The following UBE2D2 variants were observed in gnomAD, a reference collection of about 807,000 sequenced individuals.
UBE2D2 encodes the protein ubiquitin-conjugating enzyme E2 D2.
Under a neutral mutation model 24.2 loss-of-function variants are expected in UBE2D2, and 2 were observed. The observed-to-expected ratio is 0.08, with a 90% CI of 0.03 to 0.26. UBE2D2 has a LOEUF of 0.26. Ranked by LOEUF, UBE2D2 falls within the 10% of genes least tolerant of loss-of-function variation. UBE2D2 has a pLI of 1.00. For synonymous variants in UBE2D2, 58 were observed against 56.5 expected (o/e 1.03, Z -0.12); for missense variants, 44 against 177.6 (o/e 0.25, Z 4.28).
intron 1 of UBE2D2, among the ~76,000 whole-genome samples, chr5:139,527,212 A>T (rs1752551486): frequency 6.6e-6 from 1 of 152,180 alleles, no homozygotes; most frequent in African/African-American, 2.4e-5. Context: ...AAGGTATGGC[A>T]CAAGGTAACC....
intron 1 of UBE2D2, among the ~76,000 whole-genome samples, chr5:139,538,367 A>G (rs1156596009): frequency 6.6e-6 from 1 of 152,210 alleles, no homozygotes; most frequent in African/African-American, 2.4e-5. Flanking sequence ...GCCAAAAGGT[A>G]GAAGTAACCC....
At chr5:139,622,242 A>G (rs1258063885) in intron 5 of UBE2D2, among the ~76,000 whole-genome samples, 1 of 151,558 alleles carries the variant, frequency 6.6e-6, no homozygotes, top group Non-Finnish European at 1.5e-5. Context: ...TTTATTTTTT[A>G]TTATAATTAT....
At chr5:139,602,022 T>TA (rs1461825361) in intron 2 of UBE2D2, among the ~76,000 whole-genome samples, 1 of 152,234 alleles carries the variant, frequency 6.6e-6, no homozygotes, top group African/African-American at 2.4e-5. Context: ...AGTACATGGT[T>TA]AAATTAGCTT....
At chr5:139,614,259 A>G (rs923884494) in intron 2 of UBE2D2, among the ~76,000 whole-genome samples, 4 of 152,060 alleles carry the variant, frequency 2.6e-5, no homozygotes, top group African/African-American at 9.7e-5. Flanking sequence ...AGAGTCTTGC[A>G]GTGGCGCAGT....
intron 1 of UBE2D2, among the ~76,000 whole-genome samples, chr5:139,551,265 C>T (rs1752917947): frequency 6.6e-6 from 1 of 152,132 alleles, no homozygotes; most frequent in Non-Finnish European, 1.5e-5. Flanking sequence ...TCTTGAATTG[C>T]TTCAACCCAT....
intron 1 of UBE2D2, among the ~76,000 whole-genome samples, chr5:139,530,598 C>T (rs995395679): frequency 1.3e-5 from 2 of 152,106 alleles, no homozygotes; most frequent in Non-Finnish European, 2.9e-5. Context: ...CGTTCTTGCC[C>T]AGCAAGAGAC....
intron 1 of UBE2D2, among the ~76,000 whole-genome samples, chr5:139,568,553 G>A (rs1581497603): frequency 6.6e-6 from 1 of 152,220 alleles, no homozygotes; most frequent in Middle Eastern, 3.4e-3. Context: ...AGCTATTCGG[G>A]AGACTGAGGC....
Position 139,587,176 on chromosome 5 carries a change from AGTGT to A in UBE2D2, c.25-13195_25-13192del. On this transcript the variant is annotated intron_variant, in intron 1 of 6. Coordinates refer to ENST00000398733, the MANE Select transcript of UBE2D2 (RefSeq NM_003339.3). The stretch of plus-strand genomic sequence containing the variant: ...AAGAGAACCGTAGAACCCAGTGACT[AGTGT>A]TCCAGCTGGATAGGATGAACCCAGG... Among the ~76,000 whole-genome samples, 4 of 152,290 alleles carry A rather than the reference AGTGT, an allele frequency of 2.6e-5. No homozygotes were observed. In the Middle Eastern group the frequency reaches 0.014, roughly 518 times the overall value.
At chr5:139,606,221 G>A (rs1754197072) in intron 2 of UBE2D2, among the ~76,000 whole-genome samples, 1 of 152,014 alleles carries the variant, frequency 6.6e-6, no homozygotes, top group South Asian at 2.1e-4. Context: ...GAGTGCAGTG[G>A]CGCAATCTCG....
chr5:139,561,687 C>G lies in UBE2D2; in HGVS notation c.-105C>G. ...GCTTTCCTCAACTCTCCATCTTCTC[C>G]TGCCGACCGAGATCGCCGAGGCGGC... On this transcript the variant is annotated 5_prime_UTR_variant, in exon 1 of 7. Transcript: ENST00000398733. The G allele has an allele frequency of 3.3e-6, 3 of 899,052 alleles. No individual in the cohort carries two copies. Among genetic ancestry groups the G allele is most frequent in the Non-Finnish European group, 4.8e-6 (3 of 630,176 alleles). The allele number at this position is 899,052 out of a possible 1,614,324, so 55.7% of individuals were successfully genotyped here. A position where few individuals can be genotyped will look rare whatever the true frequency, so the allele number is the denominator to read the frequency against.
intron 5 of UBE2D2, 97 bp from the exon 6 acceptor site, chr5:139,623,271 A>G: frequency 1.3e-6 from 1 of 752,566 alleles, no homozygotes. Context: ...GCATTACAGT[A>G]TAAATTCTTA....
intron 2 of UBE2D2, among the ~76,000 whole-genome samples, chr5:139,605,388 T>C (rs985256584): frequency 2.6e-5 from 4 of 151,820 alleles, no homozygotes; most frequent in East Asian, 1.9e-4. Context: ...GTCAGGAGAT[T>C]GAGACCATCC....
At chr5:139,560,650 G>A (rs147495353), upstream of UBE2D2, among the ~76,000 whole-genome samples, 442 of 152,252 alleles carry the variant, frequency 2.9e-3, no homozygotes, top group African/African-American at 0.01. Context: ...TAACTATTTG[G>A]GGCACACACT....
intron 1 of UBE2D2, among the ~76,000 whole-genome samples, chr5:139,536,483 C>T (rs1278259904): frequency 6.6e-6 from 1 of 152,164 alleles, no homozygotes; most frequent in Non-Finnish European, 1.5e-5. Context: ...CCTGCCTCAG[C>T]CTCCTGAGTA....
At chr5:139,563,344 C>T (rs1243571197) in intron 1 of UBE2D2, among the ~76,000 whole-genome samples, 5 of 152,072 alleles carry the variant, frequency 3.3e-5, no homozygotes, top group African/African-American at 1.2e-4. Flanking sequence ...TGAAGAAGGG[C>T]AGATTTTAGA....
intron 1 of UBE2D2, among the ~76,000 whole-genome samples, chr5:139,552,874 G>T (rs1366480828): frequency 6.6e-6 from 1 of 151,836 alleles, no homozygotes; most frequent in East Asian, 1.9e-4. Context: ...TAGAGACGGG[G>T]TTTCTCCATG....
intron 1 of UBE2D2, among the ~76,000 whole-genome samples, chr5:139,570,838 C>G (rs1753339295): frequency 6.6e-6 from 1 of 152,082 alleles, no homozygotes; most frequent in African/African-American, 2.4e-5. Flanking sequence ...CAGGCATGAG[C>G]CACCACCCCC....
chr5:139,592,801 A>G lies in UBE2D2; in HGVS notation c.25-7571A>G, dbSNP rs181955749. Among the ~76,000 whole-genome samples the G allele has an allele frequency of 2.0e-5, 3 of 150,704 alleles. No individual in the cohort carries two copies. In the Admixed American group the frequency reaches 2.0e-4, roughly 10 times the overall value. ...GTATTTTTAGTAGAGATGGCGTTTC[A>G]CTGTGTTAGCCAGGATGGGTCTCGA... On this transcript the variant is annotated intron_variant, in intron 1 of 6. Coordinates refer to ENST00000398733, the MANE Select transcript of UBE2D2 (RefSeq NM_003339.3).
chr5:139,574,023 A>G (rs1185522151), intron 1 of UBE2D2, among the ~76,000 whole-genome samples: 1 of 151,858 alleles, frequency 6.6e-6, no homozygotes, highest in Non-Finnish European at 1.5e-5. Flanking sequence ...ATATAAGTCA[A>G]TTGGGAATGA....
Sources: allele counts gnomAD v4.1 joint callset (sites outside exome capture counted in the v4.1 genomes callset), GRCh38; gene constraint gnomAD v4.1.1; transcripts MANE v1.5; gene names NCBI Gene and HGNC (gene_info 2026-07-23, HGNC 2026-07-21).